SEPTIN10: variants seen among roughly 807,000 people sequenced by gnomAD.
The protein encoded by SEPTIN10 is septin 10.
SEPTIN10 carries 66 observed loss-of-function variants against 54.8 expected under a neutral mutation model. That is an observed-to-expected ratio of 1.21 (90% CI 0.99 to 1.48). The LOEUF is 1.48. SEPTIN10 is among the 40% of genes most tolerant of loss of function. The pLI is 0.00. For missense variants in SEPTIN10, 620 were observed against 545.6 expected, an observed-to-expected ratio of 1.14 and a Z score of -1.36; for synonymous variants, 161 against 181.0, an observed-to-expected ratio of 0.89 and a Z score of 0.89.
chr2:109,603,202 C>A (rs1697046740), intron 1 of SEPTIN10, among the ~76,000 whole-genome samples: 1 of 152,038 alleles, frequency 6.6e-6, no homozygotes, highest in Admixed American at 6.6e-5. Context: ...ACTTACTCCA[C>A]AAATGTACAT....
At position 109,553,220 on chromosome 2, in the gene SEPTIN10, C is replaced by A; in HGVS notation, c.1029-1G>T. On this transcript the variant is annotated splice_acceptor_variant, in intron 8 of 10. Transcript: ENST00000397712. LOFTEE classifies it high-confidence loss of function. ...TTTGGCTTCATAGGTCTCTTGAACACTAAAAAGTTATTTGTGTTACTCTCC... is the reference window on the plus strand; with the variant it reads ...TTTGGCTTCATAGGTCTCTTGAACAATAAAAAGTTATTTGTGTTACTCTCC... The A allele has an allele frequency of 6.2e-7, 1 of 1,613,284 alleles. No homozygotes were observed. The highest frequency in any genetic ancestry group is 8.5e-7 in the Non-Finnish European group (1 of 1,179,888).
At chr2:109,546,382 T>A (rs760275182) in intron 9 of SEPTIN10, 145 bp from the exon 10 acceptor site, 1 of 476,414 alleles carries the variant, frequency 2.1e-6, no homozygotes, top group Non-Finnish European at 3.6e-6. Flanking sequence ...CAGAAGTTCA[T>A]AGTTCAAGGA....
intron 8 of SEPTIN10, among the ~76,000 whole-genome samples, chr2:109,557,466 T>C (rs953497381): frequency 1.8e-4 from 27 of 152,152 alleles, no homozygotes; most frequent in African/African-American, 6.5e-4. Context: ...GAAACATAGC[T>C]GAAAAGTAAA....
intron 1 of SEPTIN10, among the ~76,000 whole-genome samples, chr2:109,595,905 T>C: frequency 6.6e-6 from 1 of 152,208 alleles, no homozygotes; most frequent in East Asian, 1.9e-4. Flanking sequence ...ATGCTTGTCG[T>C]TAATTCCGGA....
At chr2:109,613,075 C>CATCG (rs755427309) in intron 1 of SEPTIN10, 11 of 627,184 alleles carry the variant, frequency 1.8e-5, no homozygotes, top group Non-Finnish European at 2.9e-5. Flanking sequence ...AATACACAGG[C>CATCG]ATCGGGCCTC....
At chr2:109,565,929 TGAGA>T in intron 6 of SEPTIN10, 70 bp from the exon 7 acceptor site, 1 of 1,315,266 alleles carries the variant, frequency 7.6e-7, no homozygotes, top group South Asian at 1.2e-5. Context: ...AAATTTTATG[TGAGA>T]GAGAAGAGAA....
At chr2:109,557,550 A>G (rs1188533109) in intron 8 of SEPTIN10, among the ~76,000 whole-genome samples, 2 of 152,204 alleles carry the variant, frequency 1.3e-5, no homozygotes, top group Non-Finnish European at 2.9e-5. Context: ...GATTGCCCCA[A>G]TGTGGTGTCT....
intron 1 of SEPTIN10, among the ~76,000 whole-genome samples, chr2:109,601,765 T>TAAA (rs199504357): frequency 3.5e-5 from 5 of 143,786 alleles, no homozygotes; most frequent in African/African-American, 1.3e-4. Flanking sequence ...ACCCTGAAGT[T>TAAA]AAAAAAAAAA....
At chr2:109,587,015 G>A (rs1692725352) in intron 2 of SEPTIN10, among the ~76,000 whole-genome samples, 1 of 152,144 alleles carries the variant, frequency 6.6e-6, no homozygotes, top group Admixed American at 6.6e-5. Flanking sequence ...ACAGAAAAAT[G>A]TGATTCACAG....
rs1686867204 is a variant in SEPTIN10 at position 109,565,817 on chromosome 2, T to C, written c.805A>G (p.Lys269Glu). The change falls in exon 7 of 11, where the codon AAA becomes GAA. Residue 269 changes from lysine to glutamate, a missense_variant. Physicochemically the swap from Lys to Glu is moderately conservative, Grantham distance 56. Transcript: ENST00000397712. ...GCTTTGACCATCTTGTTTCCGACTT[T>C]TACCTCATCCATACTTCCCACAACA... Reference protein sequence around the residue: ...FAVVGSMDEVKVGNKMVKARQ... With the variant: ...FAVVGSMDEVEVGNKMVKARQ... 1.9e-6 allele frequency: 3 copies of C among 1,614,078 alleles called. No homozygotes were observed. In the African/African-American group the frequency reaches 4.0e-5, roughly 22 times the overall value.
chr2:109,602,860 A>G (rs1179588980), intron 1 of SEPTIN10, among the ~76,000 whole-genome samples: 1 of 151,050 alleles, frequency 6.6e-6, no homozygotes, highest in Non-Finnish European at 1.5e-5. Flanking sequence ...GATACCCATT[A>G]AAAGGACTTA....
intron 6 of SEPTIN10, among the ~76,000 whole-genome samples, chr2:109,566,296 T>G (rs1687004014): frequency 6.6e-6 from 1 of 151,954 alleles, no homozygotes; most frequent in Non-Finnish European, 1.5e-5. Context: ...AATTTTTGCA[T>G]TTTTAGTAGA....
intron 8 of SEPTIN10, among the ~76,000 whole-genome samples, chr2:109,554,640 A>C (rs1477448273): frequency 6.6e-6 from 1 of 152,222 alleles, no homozygotes; most frequent in Non-Finnish European, 1.5e-5. Context: ...CTCCACACAG[A>C]CAGTGGCCAT....
intron 7 of SEPTIN10, among the ~76,000 whole-genome samples, 196 bp downstream of exon 7, chr2:109,565,567 G>A (rs555721326): frequency 1.1e-4 from 17 of 152,224 alleles, no homozygotes; most frequent in African/African-American, 2.4e-4. Context: ...CCGTGGGGGC[G>A]GGGGTAATGT....
chr2:109,574,817 G>A, intron 4 of SEPTIN10, 50 bp from the exon 5 acceptor site: 1 of 1,347,724 alleles, frequency 7.4e-7, no homozygotes, highest in Non-Finnish European at 1.0e-6. Flanking sequence ...GCTACCTTAA[G>A]ATATCTGTGC....
intron 8 of SEPTIN10, among the ~76,000 whole-genome samples, chr2:109,564,005 C>T (rs1420688681): frequency 1.3e-5 from 2 of 152,088 alleles, no homozygotes; most frequent in African/African-American, 4.8e-5. Flanking sequence ...TTCCAACTTA[C>T]CTTTATGACA....
chr2:109,590,453 C>CA (rs1456452711), intron 2 of SEPTIN10, among the ~76,000 whole-genome samples: 4 of 150,906 alleles, frequency 2.7e-5, no homozygotes, highest in Non-Finnish European at 4.4e-5. Flanking sequence ...TCTTTTGAGA[C>CA]AGAGTTTTTG....
Position 109,565,774 on chromosome 2 carries a change from C to A in SEPTIN10, c.848G>T (p.Gly283Val), listed in dbSNP as rs758706146. Reference sequence around the variant, plus strand: ...TTTGTCTCATTTACCTTGTACAACACCCCAAGGGTACTGGCGAGCTTTGAC... The same window carrying A: ...TTTGTCTCATTTACCTTGTACAACAACCCAAGGGTACTGGCGAGCTTTGAC... ...KMVKARQYPW[G>V]VVQVENENHC... is the part of the protein sequence containing the mutation. Residue 283 changes from glycine to valine, a missense_variant, in exon 7 of 11, where the codon GGT becomes GTT. By Grantham distance (109) the Gly-to-Val change is moderately radical. Transcript: ENST00000397712. The A allele has an allele frequency of 3.1e-6, 5 of 1,613,778 alleles. No individual in the cohort carries two copies. The highest frequency in any genetic ancestry group is 4.2e-6 in the Non-Finnish European group (5 of 1,179,736).
intron 5 of SEPTIN10, among the ~76,000 whole-genome samples, chr2:109,571,840 A>G (rs1417323059): frequency 1.3e-5 from 2 of 152,176 alleles, no homozygotes; most frequent in African/African-American, 4.8e-5. Context: ...TAGCTCTTCC[A>G]TTTATTCCTG....
Sources: gnomAD v4.1 joint callset for allele counts (sites outside exome capture counted in the v4.1 genomes callset) on GRCh38, gnomAD v4.1.1 for gene constraint, MANE v1.5 for transcripts, NCBI Gene and HGNC (gene_info 2026-07-23, HGNC 2026-07-21) for gene names.